The following BMP6 variants were observed in gnomAD, a reference collection of about 807,000 sequenced individuals.
BMP6 encodes the protein bone morphogenetic protein 6.
A neutral mutation model predicts 54.1 loss-of-function variants in BMP6; 17 were observed. That is an observed-to-expected ratio of 0.31 (90% CI 0.22 to 0.47). The LOEUF is 0.47. Among genes scored for constraint, BMP6 ranks in the 20% least tolerant of loss-of-function variants. BMP6 has a pLI of 1.00. For missense variants in BMP6, 720 were observed against 690.4 expected, an observed-to-expected ratio of 1.04 and a Z score of -0.48; for synonymous variants, 328 against 291.2, an observed-to-expected ratio of 1.13 and a Z score of -1.28.
chr6:7,871,995 C>T (rs1435667884), intron 4 of BMP6, among the ~76,000 whole-genome samples: 1 of 151,506 alleles, frequency 6.6e-6, no homozygotes, highest in Non-Finnish European at 1.5e-5. Flanking sequence ...GAGCTTCTGT[C>T]CTGGCGGCGG....
chr6:7,802,206 AG>A (rs1379760954), intron 1 of BMP6, among the ~76,000 whole-genome samples: 2 of 152,196 alleles, frequency 1.3e-5, no homozygotes, highest in African/African-American at 4.8e-5. Flanking sequence ...TCTAAAGAAA[AG>A]CTTACAGATA....
At chr6:7,839,240 T>C (rs166496) in intron 1 of BMP6, among the ~76,000 whole-genome samples, 87,953 of 152,092 alleles carry the variant, frequency 0.58, 27,341 homozygotes, top group African/African-American at 0.79. Flanking sequence ...TCATAGCTCA[T>C]TGCAGCCTCA....
intron 4 of BMP6, among the ~76,000 whole-genome samples, chr6:7,866,585 T>G (rs1003240494): frequency 6.6e-6 from 1 of 152,254 alleles, no homozygotes; most frequent in African/African-American, 2.4e-5. Context: ...AAGACCTCTT[T>G]TGAGAGGGTG....
At chr6:7,839,451 C>T (rs1758929330) in intron 1 of BMP6, among the ~76,000 whole-genome samples, 3 of 152,246 alleles carry the variant, frequency 2.0e-5, no homozygotes, top group African/African-American at 7.2e-5. Flanking sequence ...TGGGTACTTA[C>T]TAAACCTGAA....
In BMP6 at chr6:7,856,595, A is replaced by ATTTTTTTTTTTTTTTTTTTTT. The variant is rs70982115; in HGVS notation, c.858-4837_858-4836insTTTTTTTTTTTTTTTTTTTTT. 3.1e-3 allele frequency among the ~76,000 whole-genome samples: 258 copies of ATTTTTTTTTTTTTTTTTTTTT among 82,990 alleles called. 39 individuals are homozygous for ATTTTTTTTTTTTTTTTTTTTT. The highest frequency in any genetic ancestry group is 9.7e-3 in the Middle Eastern group (2 of 206). 54.4% of individuals were successfully genotyped at this position (82,990 alleles called of 152,430 possible). A position where few individuals can be genotyped will look rare whatever the true frequency, so the allele number is the denominator to read the frequency against. The stretch of plus-strand genomic sequence containing the variant: ...ATATAAATGCCAGTTTATCAAGAGC[A>ATTTTTTTTTTTTTTTTTTTTT]TTTTTTTTTTTTTTTTTTTGAGACG... On this transcript the variant is annotated intron_variant, in intron 2 of 6. Transcript: ENST00000283147.
At chr6:7,869,643 G>T (rs1288434720) in intron 4 of BMP6, among the ~76,000 whole-genome samples, 1 of 152,118 alleles carries the variant, frequency 6.6e-6, no homozygotes, top group African/African-American at 2.4e-5. Context: ...CTGTCACATG[G>T]GCCCCGGCAG....
intron 1 of BMP6, among the ~76,000 whole-genome samples, chr6:7,738,249 C>T (rs1439794289): frequency 6.6e-6 from 1 of 152,192 alleles, no homozygotes; most frequent in Admixed American, 6.5e-5. Context: ...TACTCTCTAA[C>T]CCCTTTTGGC....
intron 1 of BMP6, among the ~76,000 whole-genome samples, chr6:7,733,043 T>C (rs1333427724): frequency 1.3e-5 from 2 of 151,548 alleles, no homozygotes; most frequent in South Asian, 4.2e-4. Flanking sequence ...GGATTACAGG[T>C]CTCCGCCACC....
intron 1 of BMP6, among the ~76,000 whole-genome samples, chr6:7,759,730 A>C (rs1222379533): frequency 2.0e-5 from 2 of 102,176 alleles, no homozygotes; most frequent in Non-Finnish European, 3.5e-5. Flanking sequence ...TGGAGACTGA[A>C]TCTCACTCTG....
chr6:7,845,137 T>C lies in BMP6; in HGVS notation c.665-3T>C, dbSNP rs1357401665. ...TGTCACTCTCTCTTGTTTAATCTTA[T>C]AGTGGAGTACGACAAGGAGTTCTCC... On this transcript the variant is annotated splice_polypyrimidine_tract_variant and splice_region_variant and intron_variant, in intron 1 of 6. Transcript: ENST00000283147. The C allele has an allele frequency of 1.4e-5, 23 of 1,611,480 alleles. No individual in the cohort carries two copies. The highest frequency in any genetic ancestry group is 1.5e-5 in the Non-Finnish European group (18 of 1,178,184).
intron 1 of BMP6, among the ~76,000 whole-genome samples, chr6:7,842,190 C>G (rs1758982916): frequency 6.6e-6 from 1 of 152,194 alleles, no homozygotes; most frequent in Non-Finnish European, 1.5e-5. Context: ...GAGTTACCAT[C>G]TCTCACAGTC....
At chr6:7,750,321 A>G (rs1446071009) in intron 1 of BMP6, among the ~76,000 whole-genome samples, 1 of 152,094 alleles carries the variant, frequency 6.6e-6, no homozygotes, top group Non-Finnish European at 1.5e-5. Flanking sequence ...GTGTAGATAC[A>G]TGGAACTTCC....
intron 1 of BMP6, among the ~76,000 whole-genome samples, chr6:7,839,296 C>T (rs1375430958): frequency 6.6e-6 from 1 of 152,222 alleles, no homozygotes; most frequent in Non-Finnish European, 1.5e-5. Context: ...TCCCAAGGGG[C>T]CGGGACTACA....
At chr6:7,779,749 T>C (rs1757914137) in intron 1 of BMP6, among the ~76,000 whole-genome samples, 1 of 152,138 alleles carries the variant, frequency 6.6e-6, no homozygotes, top group Non-Finnish European at 1.5e-5. Context: ...TGTACTGAGC[T>C]CTCATGAGGC....
At chr6:7,818,289 T>G (rs1038199014) in intron 1 of BMP6, among the ~76,000 whole-genome samples, 6 of 152,096 alleles carry the variant, frequency 3.9e-5, no homozygotes, top group African/African-American at 1.4e-4. Context: ...GTTTTATACT[T>G]TTGGACATTT....
intron 2 of BMP6, among the ~76,000 whole-genome samples, chr6:7,858,134 G>A (rs1033143242): frequency 6.6e-6 from 1 of 152,124 alleles, no homozygotes; most frequent in Non-Finnish European, 1.5e-5. Context: ...CCAGGCTGGA[G>A]TGCAGAGGTG....
chr6:7,802,954 T>C (rs1335666510), intron 1 of BMP6, among the ~76,000 whole-genome samples: 1 of 152,208 alleles, frequency 6.6e-6, no homozygotes, highest in African/African-American at 2.4e-5. Context: ...TGCTGTGGGA[T>C]ACAACAGATG....
At chr6:7,792,579 TAGAC>T (rs1235958344) in intron 1 of BMP6, among the ~76,000 whole-genome samples, 3 of 152,114 alleles carry the variant, frequency 2.0e-5, no homozygotes, top group African/African-American at 7.2e-5. Flanking sequence ...TACAAACACA[TAGAC>T]AGGCACACAG....
intron 1 of BMP6, among the ~76,000 whole-genome samples, chr6:7,782,109 G>A (rs762854842): frequency 1.1e-4 from 16 of 151,222 alleles, no homozygotes; most frequent in Non-Finnish European, 8.9e-5. Flanking sequence ...AGATTCAGGG[G>A]GCAAACTGCC....
Sources: allele counts gnomAD v4.1 joint callset (sites outside exome capture counted in the v4.1 genomes callset), GRCh38; gene constraint gnomAD v4.1.1; transcripts MANE v1.5; gene names NCBI Gene and HGNC (gene_info 2026-07-23, HGNC 2026-07-21).